DCC: variants seen among roughly 807,000 people sequenced by gnomAD.
DCC encodes netrin receptor DCC.
In DCC, 58 loss-of-function variants were observed where a neutral mutation model predicts 172.5. That is an observed-to-expected ratio of 0.34 (90% confidence interval 0.27 to 0.42). The LOEUF is 0.42. Among genes scored for constraint, DCC ranks in the 10% least tolerant of loss-of-function variants. The pLI, the probability that DCC is intolerant of heterozygous loss-of-function variation, is 1.00. For synonymous variants in DCC, 709 were observed against 644.5 expected (o/e 1.10, Z -1.52); for missense variants, 1,740 against 1,791.0 (o/e 0.97, Z 0.51).
At chr18:52,907,340 A>G in intron 3 of DCC, among the ~76,000 whole-genome samples, 1 of 150,268 alleles carries the variant, frequency 6.7e-6, no homozygotes, top group African/African-American at 2.4e-5. Context: ...ATGGATATAT[A>G]CATATATCAT....
intron 12 of DCC, among the ~76,000 whole-genome samples, chr18:53,303,578 C>A (rs2057165229): frequency 1.3e-5 from 2 of 152,150 alleles, no homozygotes; most frequent in African/African-American, 4.8e-5. Flanking sequence ...ATTACTTGAC[C>A]CCCCTTGCAG....
At chr18:52,553,743 G>A (rs1265252581) in intron 1 of DCC, among the ~76,000 whole-genome samples, 2 of 152,164 alleles carry the variant, frequency 1.3e-5, no homozygotes, top group East Asian at 1.9e-4. Flanking sequence ...TAGAAAGGAT[G>A]CTGTTTGTGC....
At chr18:52,778,820 G>A (rs1051039457) in intron 2 of DCC, among the ~76,000 whole-genome samples, 13 of 152,032 alleles carry the variant, frequency 8.6e-5, no homozygotes, top group Admixed American at 7.9e-4. Flanking sequence ...CCACACTTAG[G>A]CATCAAATAC....
chr18:52,456,858 AC>A (rs543844111), intron 1 of DCC, among the ~76,000 whole-genome samples: 165 of 152,294 alleles, frequency 1.1e-3, no homozygotes, highest in African/African-American at 3.9e-3. Context: ...GTTTTTTGAC[AC>A]CAAGTCTGAG....
At chr18:53,290,119 G>A (rs2056984138) in intron 12 of DCC, among the ~76,000 whole-genome samples, 1 of 152,152 alleles carries the variant, frequency 6.6e-6, no homozygotes, top group South Asian at 2.1e-4. Flanking sequence ...GAACATTTAT[G>A]GTTTGGATGT....
Position 52,631,687 on chromosome 18 carries a change from G to A in DCC, c.92-120367G>A, listed in dbSNP as rs149527889. ...TTACAAATTTTGTCGCATTGGTCTGGAAAAGAGGTAGGGTGGTTGACTTGT... is the reference window on the plus strand; with the variant it reads ...TTACAAATTTTGTCGCATTGGTCTGAAAAAGAGGTAGGGTGGTTGACTTGT... On this transcript the variant is annotated intron_variant, in intron 1 of 28. Coordinates refer to ENST00000442544, the MANE Select transcript of DCC (RefSeq NM_005215.4). Among the ~76,000 whole-genome samples, 363 of 152,284 alleles carry A rather than the reference G, an allele frequency of 2.4e-3. 1 individual carries two copies. Among genetic ancestry groups the A allele is most frequent in the African/African-American group, 8.2e-3 (341 of 41,550 alleles).
At chr18:52,698,691 C>T (rs998074905) in intron 1 of DCC, among the ~76,000 whole-genome samples, 23 of 152,064 alleles carry the variant, frequency 1.5e-4, no homozygotes, top group Middle Eastern at 3.4e-3. Flanking sequence ...CTCCACCTCC[C>T]GGGTTCAAGC....
At chr18:53,426,478 T>TA (rs35062925) in intron 21 of DCC, among the ~76,000 whole-genome samples, 61,705 of 144,780 alleles carry the variant, frequency 0.43, 14,902 homozygotes, top group Non-Finnish European at 0.55. Context: ...ATATATATTT[T>TA]TATATATGTA....
chr18:53,460,990 A>G (rs1252122896), intron 24 of DCC, among the ~76,000 whole-genome samples: 68 of 152,174 alleles, frequency 4.5e-4, no homozygotes, highest in African/African-American at 1.5e-3. Flanking sequence ...GTGTGAGATG[A>G]TATCTCATTG....
At chr18:53,185,901 A>C (rs2055274253) in intron 9 of DCC, among the ~76,000 whole-genome samples, 1 of 152,356 alleles carries the variant, frequency 6.6e-6, no homozygotes, top group East Asian at 1.9e-4. Flanking sequence ...AAGGCCACAG[A>C]ATCTAGACCT....
chr18:53,177,550 T>A (rs929070625), intron 8 of DCC, among the ~76,000 whole-genome samples: 1 of 152,168 alleles, frequency 6.6e-6, no homozygotes, highest in African/African-American at 2.4e-5. Flanking sequence ...GTCAGTTCTT[T>A]TCCCAGCTCT....
chr18:52,468,203 A>G (rs1162169324), intron 1 of DCC, among the ~76,000 whole-genome samples: 1 of 152,200 alleles, frequency 6.6e-6, no homozygotes, highest in African/African-American at 2.4e-5. Flanking sequence ...TCAAAATATG[A>G]AACAATCAAA....
chr18:52,514,519 T>A (rs986549432), intron 1 of DCC, among the ~76,000 whole-genome samples: 2 of 152,236 alleles, frequency 1.3e-5, no homozygotes, highest in Non-Finnish European at 2.9e-5. Flanking sequence ...AAAATTGCCT[T>A]CAGATGACAA....
intron 1 of DCC, among the ~76,000 whole-genome samples, chr18:52,481,236 AG>A (rs1194005871): frequency 6.6e-6 from 1 of 152,190 alleles, no homozygotes; most frequent in Non-Finnish European, 1.5e-5. Flanking sequence ...TGTTGACACA[AG>A]AATGCAAATA....
chr18:52,855,852 G>A (rs2039045352), intron 2 of DCC, among the ~76,000 whole-genome samples: 1 of 142,144 alleles, frequency 7.0e-6, no homozygotes, highest in Middle Eastern at 4.3e-3. Context: ...TGCAACCTCT[G>A]CTTCCTGGGT....
chr18:53,012,977 A>G (rs2041752508), intron 5 of DCC, among the ~76,000 whole-genome samples: 1 of 152,218 alleles, frequency 6.6e-6, no homozygotes, highest in Non-Finnish European at 1.5e-5. Context: ...AAAATAGTTC[A>G]TTATCACTGG....
intron 14 of DCC, among the ~76,000 whole-genome samples, chr18:53,325,541 C>T (rs981391312): frequency 2.0e-5 from 3 of 152,172 alleles, no homozygotes; most frequent in South Asian, 2.1e-4. Flanking sequence ...TTAGAAGACA[C>T]AAAATTTTTC....
At chr18:52,998,305 G>T (rs2041514502) in intron 5 of DCC, among the ~76,000 whole-genome samples, 1 of 151,864 alleles carries the variant, frequency 6.6e-6, no homozygotes, top group Non-Finnish European at 1.5e-5. Context: ...CATCATCTGG[G>T]GTTGTTCCTA....
At chr18:52,651,499 C>A (rs1598988489) in intron 1 of DCC, among the ~76,000 whole-genome samples, 2 of 135,172 alleles carry the variant, frequency 1.5e-5, no homozygotes, top group South Asian at 4.8e-4. Flanking sequence ...TTTTTAAAAT[C>A]TTTTTTTTTT....
Sources: allele counts gnomAD v4.1 joint callset (sites outside exome capture counted in the v4.1 genomes callset), GRCh38; gene constraint gnomAD v4.1.1; transcripts MANE v1.5; gene names NCBI Gene and HGNC (gene_info 2026-07-23, HGNC 2026-07-21).